Variants in CNKSR3 observed in about 807,000 individuals in gnomAD.
The protein encoded by CNKSR3 is connector enhancer of kinase suppressor of ras 3.
A neutral mutation model predicts 67.7 loss-of-function variants in CNKSR3; 36 were observed. The ratio of observed to expected loss-of-function variants is 0.53; its 90% CI spans 0.41 to 0.70. CNKSR3 has a LOEUF of 0.70. CNKSR3 is among the 30% of genes least tolerant of loss of function. CNKSR3 has a pLI of 0.00. For synonymous variants in CNKSR3, 281 were observed against 271.4 expected (o/e 1.04, Z -0.35); for missense variants, 630 against 695.2 (o/e 0.91, Z 1.05).
intron 9 of CNKSR3, among the ~76,000 whole-genome samples, chr6:154,419,586 A>G (rs1187953169): frequency 6.6e-6 from 1 of 152,192 alleles, no homozygotes; most frequent in Non-Finnish European, 1.5e-5. Flanking sequence ...GGAAAACACT[A>G]CGGAGGTTTC....
chr6:154,474,962 C>T (rs537608066), intron 1 of CNKSR3, among the ~76,000 whole-genome samples: 4 of 152,240 alleles, frequency 2.6e-5, no homozygotes, highest in South Asian at 4.2e-4. Context: ...CAGGGCCCTG[C>T]GGAAGAGCTG....
intron 1 of CNKSR3, among the ~76,000 whole-genome samples, chr6:154,468,382 T>C (rs1456101986): frequency 7.9e-6 from 1 of 126,628 alleles, no homozygotes; most frequent in Non-Finnish European, 1.6e-5. Flanking sequence ...ACCCAGCCCA[T>C]ATATATTTTA....
At position 154,406,384 on chromosome 6, in the gene CNKSR3, C is replaced by A. The variant is rs1784788835; in HGVS notation, c.1638G>T (p.Trp546Cys). The A allele has an allele frequency of 6.2e-7, 1 of 1,613,888 alleles. No homozygotes were observed. Among genetic ancestry groups the A allele is most frequent in the African/African-American group, 1.3e-5 (1 of 75,048 alleles). ...GAGTCAACAGTTTGAGGCGCGTAAA[C>A]CAGCTGACCAGGAGGGACGGTTCTG... ...SSTEPSLLVS[W>C]FTRLKLLTH The change falls in exon 13 of 13, where the codon TGG becomes TGT. Residue 546 changes from tryptophan to cysteine, a missense_variant. Trp to Cys is a radical substitution (Grantham distance 215). This residue lies in a region of CNKSR3 where 308 missense variants were observed against 299.6 expected (regional missense o/e 1.03). Coordinates refer to ENST00000607772, the MANE Select transcript of CNKSR3 (RefSeq NM_173515.4).
intron 10 of CNKSR3, 72 bp from the exon 11 acceptor site, chr6:154,411,214 T>A: frequency 9.6e-7 from 1 of 1,038,258 alleles, no homozygotes; most frequent in Non-Finnish European, 1.5e-6. Flanking sequence ...CCAGCAGTGC[T>A]GCTACCTCCA....
intron 12 of CNKSR3, among the ~76,000 whole-genome samples, chr6:154,409,901 G>T (rs1562318203): frequency 1.8e-5 from 2 of 113,364 alleles, no homozygotes; most frequent in Admixed American, 8.4e-5. Context: ...AAAAAAATTA[G>T]CCAGCCGTGG....
chr6:154,489,609 C>G (rs528248935), intron 1 of CNKSR3, among the ~76,000 whole-genome samples: 42 of 152,226 alleles, frequency 2.8e-4, no homozygotes, highest in African/African-American at 9.6e-4. Context: ...CTAATAAATA[C>G]TAGGTACACT....
chr6:154,492,752 A>AC (rs1333767821), intron 1 of CNKSR3, among the ~76,000 whole-genome samples: 2 of 151,324 alleles, frequency 1.3e-5, no homozygotes, highest in African/African-American at 2.4e-5. Flanking sequence ...TCTCAAAAAA[A>AC]AAAAAACAAA....
chr6:154,409,534 A>G (rs1202917124), intron 12 of CNKSR3, among the ~76,000 whole-genome samples: 2 of 152,182 alleles, frequency 1.3e-5, no homozygotes, highest in Non-Finnish European at 2.9e-5. Flanking sequence ...CTCCAAAAAT[A>G]AAAGCAACAA....
intron 9 of CNKSR3, among the ~76,000 whole-genome samples, chr6:154,415,122 A>AC (rs1784994933): frequency 7.9e-6 from 1 of 126,450 alleles, no homozygotes; most frequent in Non-Finnish European, 1.8e-5. Flanking sequence ...AAAAAAAAAA[A>AC]CAAGAAAGAA....
rs1390321292 is a variant in CNKSR3, at chr6:154,423,650, A to T, written c.730-667T>A. 2.6e-5 allele frequency among the ~76,000 whole-genome samples: 4 copies of T among 152,230 alleles called. No homozygotes were observed. The East Asian group carries it at 7.7e-4, about 29-fold the overall frequency. On this transcript the variant is annotated intron_variant, in intron 7 of 12. Coordinates refer to ENST00000607772, the MANE Select transcript of CNKSR3 (RefSeq NM_173515.4). ...TCCTTATCAAAATTAATCTCATAAA[A>T]GCTGACCAACTGTTCAACGTGGAAA...
rs756717380 is a variant in CNKSR3, at chr6:154,433,493, C to T, written c.522G>A (p.Ala174=). The T allele has an allele frequency of 3.6e-5, 58 of 1,589,438 alleles. No homozygotes were observed. The highest frequency in any genetic ancestry group is 4.3e-5 in the Non-Finnish European group (50 of 1,162,962). The part of the protein sequence containing the change: ...TTTVQKDCFV[A]EMEDKVLTVV... ...CAGTTAAAACTTTATCCTCCATTTCCGCTACAAAGCAATCCTAAAGAAGGG... is the reference window on the plus strand; with the variant it reads ...CAGTTAAAACTTTATCCTCCATTTCTGCTACAAAGCAATCCTAAAGAAGGG... Residue 174 remains alanine (A), a synonymous_variant, in exon 5 of 13, where the codon GCG becomes GCA. Transcript: ENST00000607772.
intron 1 of CNKSR3, among the ~76,000 whole-genome samples, chr6:154,501,120 A>G (rs1220247120): frequency 2.0e-5 from 3 of 152,192 alleles, no homozygotes; most frequent in African/African-American, 4.8e-5. Flanking sequence ...GAGGGGAAAG[A>G]ATGAGCAGAC....
In CNKSR3 at chr6:154,398,315, G is replaced by C. The variant is rs1784682280; in HGVS notation, c.*8039C>G. Reference sequence around the variant, plus strand: ...GTCACATCTGTGTGTGTGCCCAAATGGATGAAATTTATGCACAACCAATAA... The same window carrying C: ...GTCACATCTGTGTGTGTGCCCAAATCGATGAAATTTATGCACAACCAATAA... On this transcript the variant is annotated 3_prime_UTR_variant, in exon 13 of 13. Coordinates refer to ENST00000607772, the MANE Select transcript of CNKSR3 (RefSeq NM_173515.4). 1 of 152,244 alleles carries C rather than the reference G, an allele frequency of 6.6e-6. No homozygotes were observed. The highest frequency in any genetic ancestry group is 6.5e-5 in the Admixed American group (1 of 15,276). The allele number at this position is 152,244 out of a possible 1,614,324, so 9.4% of individuals were successfully genotyped here.
At chr6:154,415,097 C>CAAAAAAAAAAAA (rs1157415390) in intron 9 of CNKSR3, among the ~76,000 whole-genome samples, 3 of 33,238 alleles carry the variant, frequency 9.0e-5, no homozygotes, top group African/African-American at 1.5e-4. Context: ...GACTCTGTCT[C>CAAAAAAAAAAAA]AAAAAAAAAA....
rs1293673592 is a variant in CNKSR3, at chr6:154,429,780, T to G, written c.669+692A>C. Among the ~76,000 whole-genome samples, 5 of 152,248 alleles carry G rather than the reference T, an allele frequency of 3.3e-5. 1 individual carries two copies. Among genetic ancestry groups the G allele is most frequent in the Admixed American group, 3.3e-4 (5 of 15,298 alleles). ...GCAACTGTAGCTGCAGCCACATTAA[T>G]GCACACGTACTATATGCTTGGTGCC... On this transcript the variant is annotated intron_variant, in intron 6 of 12. Coordinates refer to ENST00000607772, the MANE Select transcript of CNKSR3 (RefSeq NM_173515.4).
At chr6:154,440,113 T>C (rs1785550386) in intron 4 of CNKSR3, among the ~76,000 whole-genome samples, 1 of 152,210 alleles carries the variant, frequency 6.6e-6, no homozygotes, top group Non-Finnish European at 1.5e-5. Context: ...GCTACTTTAC[T>C]TGCTCTGAGC....
intron 4 of CNKSR3, among the ~76,000 whole-genome samples, chr6:154,435,108 G>A (rs1418201447): frequency 6.7e-5 from 10 of 148,756 alleles, no homozygotes; most frequent in South Asian, 2.1e-4. Flanking sequence ...TGATCCTCCC[G>A]CCTCAGCCTC....
In CNKSR3 at chr6:154,406,548, G is replaced by A. The variant is rs1266868952; in HGVS notation, c.1474C>T (p.His492Tyr). ...YRFSRPTTER[H>Y]LVRGADYIRG... ...ATGTAGTCCGCACCCCGGACCAGAT[G>A]CCGCTCGGTCGTGGGTCTGGAGAAC... Residue 492 changes from histidine (H) to tyrosine (Y), a missense_variant, in exon 13 of 13, where the codon CAT (histidine) becomes TAT (tyrosine). Coordinates refer to ENST00000607772, the MANE Select transcript of CNKSR3 (RefSeq NM_173515.4). 5 of 1,614,250 alleles carry A rather than the reference G, an allele frequency of 3.1e-6. No homozygotes were observed. The highest frequency in any genetic ancestry group is 2.2e-5 in the East Asian group (1 of 44,876).
At chr6:154,487,271 A>C (rs1786694552) in intron 1 of CNKSR3, among the ~76,000 whole-genome samples, 1 of 152,156 alleles carries the variant, frequency 6.6e-6, no homozygotes, top group Admixed American at 6.5e-5. Context: ...GATATGCCTG[A>C]GTTCTATGCA....
Sources: allele counts gnomAD v4.1 joint callset (sites outside exome capture counted in the v4.1 genomes callset), GRCh38; gene constraint gnomAD v4.1.1; regional missense constraint gnomAD v4.1.1; transcripts MANE v1.5; gene names NCBI Gene and HGNC (gene_info 2026-07-23, HGNC 2026-07-21).